The following NDUFC1 variants were observed in gnomAD, a reference collection of about 807,000 sequenced individuals.
The protein encoded by NDUFC1 is NADH dehydrogenase [ubiquinone] 1 subunit C1, mitochondrial.
Under a neutral mutation model 11.6 loss-of-function variants are expected in NDUFC1, and 11 were observed. The ratio of observed to expected loss-of-function variants is 0.95; its 90% confidence interval spans 0.60 to 1.58. The LOEUF is 1.58. Among genes scored for constraint, NDUFC1 ranks in the 40% most tolerant of loss-of-function variants. The pLI is 0.00. For missense variants in NDUFC1, 112 were observed against 93.0 expected (o/e 1.20, Z -0.84); for synonymous variants, 52 against 42.2 (o/e 1.23, Z -0.90).
chr4:139,291,559 G>A (rs1373597376), intron 5 of NDUFC1, among the ~76,000 whole-genome samples: 6 of 151,980 alleles, frequency 3.9e-5, no homozygotes, highest in Admixed American at 6.6e-5. Context: ...TGGTGGCTCC[G>A]TCTCAAAAAA....
At chr4:139,298,224 G>A (rs1745545565) in intron 1 of NDUFC1, among the ~76,000 whole-genome samples, 1 of 148,844 alleles carries the variant, frequency 6.7e-6, no homozygotes, top group Admixed American at 6.7e-5. Context: ...CGGATCACCT[G>A]AGGTCGGGAG....
chr4:139,301,411 T>A, intron 1 of NDUFC1: 1 of 425,210 alleles, frequency 2.4e-6, no homozygotes, highest in Non-Finnish European at 4.2e-6. Context: ...CCCGGCAAGC[T>A]CCGAAACCCA....
At chr4:139,292,502 T>A in intron 5 of NDUFC1, 28 bp downstream of exon 5, 2 of 1,096,330 alleles carry the variant, frequency 1.8e-6, no homozygotes, top group Non-Finnish European at 1.3e-6. Context: ...TTGCATAATC[T>A]ATTCATCCAA....
At chr4:139,292,152 C>T (rs1213311821) in intron 5 of NDUFC1, among the ~76,000 whole-genome samples, 1 of 152,088 alleles carries the variant, frequency 6.6e-6, no homozygotes, top group African/African-American at 2.4e-5. Context: ...TGGTTTCATT[C>T]TTAAACATAC....
rs1305935054 is a variant in NDUFC1, at chr4:139,295,942, C to T, written c.-144G>A. On this transcript the variant is annotated 5_prime_UTR_variant, in exon 3 of 6. Coordinates refer to ENST00000394223, the MANE Select transcript of NDUFC1 (RefSeq NM_001184989.2). ...CCAGCACGGCAAGGTTCTCTAGCAC[C>T]CCGGCCTCAGCCTTCTGTCTATACA... 8.0e-6 allele frequency: 6 copies of T among 753,036 alleles called. No individual in the cohort carries two copies. The South Asian group carries it at 1.0e-4, about 13-fold the overall frequency. The allele number at this position is 753,036 out of a possible 1,614,324, so 46.6% of individuals were successfully genotyped here. A position where few individuals can be genotyped will look rare whatever the true frequency, so the allele number is the denominator to read the frequency against.
intron 1 of NDUFC1, chr4:139,301,410 C>T: frequency 2.3e-6 from 1 of 427,640 alleles, no homozygotes; most frequent in South Asian, 6.1e-5. Flanking sequence ...TCCCGGCAAG[C>T]TCCGAAACCC....
chr4:139,298,897 A>C (rs1394763524), intron 1 of NDUFC1, among the ~76,000 whole-genome samples: 2 of 151,848 alleles, frequency 1.3e-5, no homozygotes, highest in Non-Finnish European at 2.9e-5. Context: ...TTGGTCTCAA[A>C]CTTCTGGGCT....
chr4:139,302,422 G>A lies in NDUFC1; in HGVS notation c.-228C>T, dbSNP rs967085174. On this transcript the variant is annotated 5_prime_UTR_variant, in exon 1 of 6. Transcript: ENST00000394223. ...AAGCTTTTCAAACGACTACCTCCTTGTAGTCAGTTGCATACTGGAGTCTTC... is the reference window on the plus strand; with the variant it reads ...AAGCTTTTCAAACGACTACCTCCTTATAGTCAGTTGCATACTGGAGTCTTC... 3 of 152,318 alleles carry A rather than the reference G, an allele frequency of 2.0e-5. No homozygotes were observed. The highest frequency in any genetic ancestry group is 7.2e-5 in the African/African-American group (3 of 41,458). 9.4% of individuals were successfully genotyped at this position (152,318 alleles called of 1,614,324 possible). A position where few individuals can be genotyped will look rare whatever the true frequency, so the allele number is the denominator to read the frequency against.
Position 139,298,686 on chromosome 4 carries a change from T to C in NDUFC1, c.-221-1243A>G, listed in dbSNP as rs1305200409. On this transcript the variant is annotated intron_variant, in intron 1 of 5. Coordinates refer to ENST00000394223, the MANE Select transcript of NDUFC1 (RefSeq NM_001184989.2). ...GAATTTCTTTTATATTCTTTTTTTT[T>C]TTTTGGAACAAGGTCTCAGCTCTGT... 3.3e-5 allele frequency among the ~76,000 whole-genome samples: 5 copies of C among 151,992 alleles called. 1 individual carries two copies. The highest frequency in any genetic ancestry group is 3.3e-4 in the Admixed American group (5 of 15,220).
chr4:139,297,088 G>A (rs1355463728), intron 2 of NDUFC1, among the ~76,000 whole-genome samples: 1 of 152,174 alleles, frequency 6.6e-6, no homozygotes, highest in African/African-American at 2.4e-5. Context: ...ACTACCCAAT[G>A]AATGTGCTGA....
chr4:139,301,730 G>C (rs1180051908), intron 1 of NDUFC1: 1 of 1,536,654 alleles, frequency 6.5e-7, no homozygotes, highest in Non-Finnish European at 8.8e-7. Context: ...CGGACAAACT[G>C]ACTGACCGAG....
intron 5 of NDUFC1, among the ~76,000 whole-genome samples, 151 bp from the exon 6 acceptor site, chr4:139,290,243 A>ATAT (rs1745154721): frequency 6.6e-6 from 1 of 151,988 alleles, no homozygotes; most frequent in South Asian, 2.1e-4. Context: ...TTAACAAAAA[A>ATAT]TATTTTGCCT....
chr4:139,295,153 G>A lies in NDUFC1; in HGVS notation c.68-7C>T. On this transcript the variant is annotated splice_polypyrimidine_tract_variant and splice_region_variant and intron_variant, in intron 3 of 5. Coordinates refer to ENST00000394223, the MANE Select transcript of NDUFC1 (RefSeq NM_001184989.2). The stretch of plus-strand genomic sequence containing the variant: ...AACTTTGATCGCACTGAAGCTGAAA[G>A]GGGAAGAGGGTCTGTAAATTTGTAA... The A allele has an allele frequency of 3.7e-6, 6 of 1,611,854 alleles. No homozygotes were observed. The highest frequency in any genetic ancestry group is 5.1e-6 in the Non-Finnish European group (6 of 1,177,984).
At chr4:139,299,562 G>A (rs1745617558) in intron 1 of NDUFC1, among the ~76,000 whole-genome samples, 1 of 152,164 alleles carries the variant, frequency 6.6e-6, no homozygotes, top group South Asian at 2.1e-4. Context: ...GTTACTTACA[G>A]TATAACTCAA....
chr4:139,300,961 T>G (rs1314164831), intron 1 of NDUFC1: 1 of 152,258 alleles, frequency 6.6e-6, no homozygotes, highest in Non-Finnish European at 1.5e-5. Context: ...TTCACCAAAT[T>G]ACCGATACGA....
At chr4:139,294,395 T>C (rs1745365723) in intron 4 of NDUFC1, among the ~76,000 whole-genome samples, 1 of 152,080 alleles carries the variant, frequency 6.6e-6, no homozygotes, top group African/African-American at 2.4e-5. Context: ...CTGAAAAAGG[T>C]ACCTTCATAA....
intron 1 of NDUFC1, chr4:139,300,745 T>C (rs1177804796): frequency 6.6e-6 from 1 of 152,188 alleles, no homozygotes; most frequent in African/African-American, 2.4e-5. Flanking sequence ...AAGAACTAGT[T>C]TGAAGCCAGC....
Position 139,295,130 on chromosome 4 carries a change from C to T in NDUFC1, c.84G>A (p.Lys28=). The change falls in exon 4 of 6, where the codon AAG becomes AAA. Residue 28 remains lysine, a synonymous_variant. Transcript: ENST00000394223. ...RLPSGPSVRS[K]FYVREPPNAK... is the part of the protein sequence containing the mutation. ...CATTCGGCGGCTCTCGCACGTAGAA[C>T]TTTGATCGCACTGAAGCTGAAAGGG... The T allele has an allele frequency of 1.2e-6, 2 of 1,614,208 alleles. No individual in the cohort carries two copies. The highest frequency in any genetic ancestry group is 1.7e-6 in the Non-Finnish European group (2 of 1,180,024).
In NDUFC1 at chr4:139,296,054, A is replaced by G. The variant is rs188445878; in HGVS notation, c.-162-94T>C. On this transcript the variant is annotated intron_variant, in intron 2 of 5. Coordinates refer to ENST00000394223, the MANE Select transcript of NDUFC1 (RefSeq NM_001184989.2). ...GGTTTTTCACCCCATCTCTACGGCT[A>G]TTCATCAAGAGGTTTATTAAAATTT... 930 of 492,280 alleles carry G rather than the reference A, an allele frequency of 1.9e-3. 7 individuals are homozygous for G. Among genetic ancestry groups the G allele is most frequent in the Middle Eastern group, 5.2e-4 (1 of 1,938 alleles). 30.5% of individuals were successfully genotyped at this position (492,280 alleles called of 1,614,324 possible). A position where few individuals can be genotyped will look rare whatever the true frequency, so the allele number is the denominator to read the frequency against.
Sources: allele counts gnomAD v4.1 joint callset (sites outside exome capture counted in the v4.1 genomes callset), GRCh38; gene constraint gnomAD v4.1.1; transcripts MANE v1.5; gene names NCBI Gene and HGNC (gene_info 2026-07-23, HGNC 2026-07-21).